The following PTPRA variants were observed in gnomAD, a reference collection of about 807,000 sequenced individuals.
PTPRA encodes the protein receptor-type tyrosine-protein phosphatase alpha.
Under a neutral mutation model 104.8 loss-of-function variants are expected in PTPRA, and 25 were observed. The ratio of observed to expected loss-of-function variants is 0.24; its 90% CI spans 0.17 to 0.33. PTPRA has a LOEUF of 0.33. Among genes scored for constraint, PTPRA ranks in the 10% least tolerant of loss-of-function variants. The pLI, the probability that PTPRA is intolerant of heterozygous loss-of-function variation, is 1.00. For missense variants in PTPRA, 765 were observed against 1,015.3 expected (o/e 0.75, Z 3.35); for synonymous variants, 323 against 368.9 (o/e 0.88, Z 1.43).
intron 4 of PTPRA, 32 bp from the exon 5 acceptor site, chr20:2,964,829 T>C: frequency 6.5e-7 from 1 of 1,542,826 alleles, no homozygotes; most frequent in East Asian, 2.2e-5. Flanking sequence ...ACATTCTTCA[T>C]GTGCTATTTC....
chr20:3,027,921 C>T (rs1346734680), intron 20 of PTPRA, 80 bp downstream of exon 20: 1 of 1,574,024 alleles, frequency 6.4e-7, no homozygotes, highest in Non-Finnish European at 8.7e-7. Context: ...GTTGGGAAGG[C>T]AAGAAGGTGT....
intron 9 of PTPRA, among the ~76,000 whole-genome samples, chr20:3,001,390 G>T (rs2063617784): frequency 6.6e-6 from 1 of 152,232 alleles, no homozygotes; most frequent in Non-Finnish European, 1.5e-5. Flanking sequence ...GAGGGAGCTA[G>T]GGATGCTGAT....
intron 7 of PTPRA, among the ~76,000 whole-genome samples, chr20:2,987,740 C>T (rs2062966887): frequency 6.6e-6 from 1 of 152,156 alleles, no homozygotes; most frequent in South Asian, 2.1e-4. Context: ...CACCCACTCA[C>T]CCTCTCTCTA....
intron 3 of PTPRA, among the ~76,000 whole-genome samples, chr20:2,953,811 T>C (rs891568593): frequency 1.3e-5 from 2 of 151,834 alleles, no homozygotes; most frequent in African/African-American, 2.4e-5. Flanking sequence ...TTTCACTGTG[T>C]TGGCCAGGCT....
In PTPRA at chr20:2,923,218, A is replaced by G. The variant is rs74597783; in HGVS notation, c.-117A>G. The G allele has an allele frequency of 8.6e-3, 10,326 of 1,205,304 alleles. 484 individuals carry two copies. The Admixed American group carries it at 0.13, about 15-fold the overall frequency. The allele number at this position is 1,205,304 out of a possible 1,614,324, so 74.7% of individuals were successfully genotyped here. On this transcript the variant is annotated 5_prime_UTR_variant, in exon 2 of 24. Coordinates refer to ENST00000399903, the MANE Select transcript of PTPRA (RefSeq NM_001385305.1). ...TCCTTTTGTTGCAGGTGACACAACT[A>G]AAAAAAAACAAAGGTATTTATGGAA...
In PTPRA at chr20:2,982,765, C is replaced by T. The variant is rs147433411; in HGVS notation, c.443-4000C>T. The stretch of plus-strand genomic sequence containing the variant: ...AGGCTGAAGTGCAGTGGCGCAATCT[C>T]GGCTCACTACAACCTCTGCCCCCCA... On this transcript the variant is annotated intron_variant, in intron 6 of 23. Transcript: ENST00000399903. Among the ~76,000 whole-genome samples, 751 of 151,484 alleles carry T rather than the reference C, an allele frequency of 5.0e-3. 5 individuals carry two copies. Among genetic ancestry groups the T allele is most frequent in the African/African-American group, 0.017 (710 of 41,222 alleles).
the PTPRA span, chr20:2,865,354 C>T: frequency 6.2e-7 from 1 of 1,613,796 alleles, no homozygotes. This position sits in a 1 kb window ranked among gnomAD's most constrained non-coding sequence, Gnocchi z 5.2. Context: ...GGTCCCAGGA[C>T]CACCTGCCTC....
At chr20:2,919,149 G>T (rs562424718) in intron 1 of PTPRA, among the ~76,000 whole-genome samples, 1 of 152,164 alleles carries the variant, frequency 6.6e-6, no homozygotes, top group African/African-American at 2.4e-5. Flanking sequence ...CAAGTTGATT[G>T]TCTCAAATTT....
At chr20:3,004,475 T>C (rs1307212526) in intron 9 of PTPRA, among the ~76,000 whole-genome samples, 1 of 152,212 alleles carries the variant, frequency 6.6e-6, no homozygotes, top group Non-Finnish European at 1.5e-5. Context: ...TAATGTCACC[T>C]CACCCAAATC....
At position 3,027,188 on chromosome 20, in the gene PTPRA, CTTTATTGATG is replaced by C. The variant is rs773894983; in HGVS notation, c.1778_1785+2del. 1 of 1,614,034 alleles carries C rather than the reference CTTTATTGATG, an allele frequency of 6.2e-7. No homozygotes were observed. The highest frequency in any genetic ancestry group is 8.5e-7 in the Non-Finnish European group (1 of 1,179,890). On this transcript the variant is annotated splice_donor_variant and coding_sequence_variant, in exon 19 of 24. Coordinates refer to ENST00000399903, the MANE Select transcript of PTPRA (RefSeq NM_001385305.1). LOFTEE classifies it high-confidence loss of function. ...AGAATACAGACTATGTGAACGCATC[CTTTATTGATG>C]TAAGTGGTGGGTGTGACCCCTGAGC...
At chr20:2,915,546 T>C (rs1190295816) in intron 1 of PTPRA, among the ~76,000 whole-genome samples, 1 of 152,186 alleles carries the variant, frequency 6.6e-6, no homozygotes, top group Non-Finnish European at 1.5e-5. Flanking sequence ...GATTAACACA[T>C]AGTTTCTTGC....
chr20:2,921,880 T>A (rs2060110997), intron 1 of PTPRA, among the ~76,000 whole-genome samples: 1 of 152,208 alleles, frequency 6.6e-6, no homozygotes. Flanking sequence ...TGCACAGTCA[T>A]TGACTAGAGA....
chr20:2,929,087 G>T (rs2060414455), intron 2 of PTPRA, among the ~76,000 whole-genome samples: 2 of 151,802 alleles, frequency 1.3e-5, no homozygotes, highest in South Asian at 4.2e-4. Flanking sequence ...TGCCTCTGGG[G>T]ACTACAGGAG....
intron 1 of PTPRA, among the ~76,000 whole-genome samples, chr20:2,878,496 C>T (rs1375097955): frequency 6.6e-6 from 1 of 152,218 alleles, no homozygotes; most frequent in Non-Finnish European, 1.5e-5. Context: ...AGGTGTGAGC[C>T]ACCACTCTCA....
intron 3 of PTPRA, among the ~76,000 whole-genome samples, chr20:2,954,481 C>T (rs1343734359): frequency 6.6e-6 from 1 of 152,112 alleles, no homozygotes; most frequent in Non-Finnish European, 1.5e-5. Context: ...CCTCGGCCTC[C>T]CAAAGTGCTG....
At chr20:2,981,204 A>G (rs1472184686) in intron 6 of PTPRA, among the ~76,000 whole-genome samples, 1 of 152,176 alleles carries the variant, frequency 6.6e-6, no homozygotes, top group Non-Finnish European at 1.5e-5. Flanking sequence ...ATAATATTAG[A>G]TGATACTAAG....
intron 5 of PTPRA, among the ~76,000 whole-genome samples, chr20:2,974,163 C>G (rs2062320992): frequency 1.3e-5 from 2 of 151,536 alleles, no homozygotes; most frequent in South Asian, 2.1e-4. Flanking sequence ...ACTGTGTTAC[C>G]CAGGATGGTC....
rs371182674 is a variant in PTPRA, at chr20:2,911,417, T to C, written c.-128-11790T>C. ...GCATTTGTATTCAAATCAAGAGTTGTAGAATTTGAAATTCCTGTTTTGATG... is the reference window on the plus strand; with the variant it reads ...GCATTTGTATTCAAATCAAGAGTTGCAGAATTTGAAATTCCTGTTTTGATG... On this transcript the variant is annotated intron_variant, in intron 1 of 23. Coordinates refer to ENST00000399903, the MANE Select transcript of PTPRA (RefSeq NM_001385305.1). 9.8e-5 allele frequency among the ~76,000 whole-genome samples: 15 copies of C among 152,362 alleles called. No homozygotes were observed. In the East Asian group the frequency reaches 1.5e-3, roughly 16 times the overall value.
In PTPRA at chr20:3,024,462, C is replaced by G. The variant is rs751083744; in HGVS notation, c.1465-10C>G. On this transcript the variant is annotated splice_polypyrimidine_tract_variant and intron_variant, in intron 16 of 23. Transcript: ENST00000399903. ...TGTAACCAAGAACTTCTGTGTCATTCATGTTTCAGATGCAGTATGTCTTCA... is the reference window on the plus strand; with the variant it reads ...TGTAACCAAGAACTTCTGTGTCATTGATGTTTCAGATGCAGTATGTCTTCA... The G allele has an allele frequency of 2.5e-6, 4 of 1,611,058 alleles. No individual in the cohort carries two copies. The South Asian group carries it at 4.4e-5, about 18-fold the overall frequency.
Sources: allele counts gnomAD v4.1 joint callset (sites outside exome capture counted in the v4.1 genomes callset), GRCh38; gene constraint gnomAD v4.1.1; non-coding constraint Gnocchi (gnomAD v3.1); transcripts MANE v1.5; gene names NCBI Gene and HGNC (gene_info 2026-07-23, HGNC 2026-07-21).